The following MARCHF3 variants were observed in gnomAD, a reference collection of about 807,000 sequenced individuals.
MARCHF3 encodes the protein E3 ubiquitin-protein ligase MARCHF3.
In MARCHF3, 13 loss-of-function variants were observed where a neutral mutation model predicts 24.2. That is an observed-to-expected ratio of 0.54 (90% CI 0.35 to 0.85). The LOEUF is 0.85. Among genes scored for constraint, MARCHF3 ranks in the 40% least tolerant of loss-of-function variants. The pLI is 0.01. For synonymous variants in MARCHF3, 144 were observed against 137.3 expected (o/e 1.05, Z -0.34); for missense variants, 276 against 325.0 (o/e 0.85, Z 1.16).
At chr5:126,983,395 G>C (rs1040808424) in intron 1 of MARCHF3, among the ~76,000 whole-genome samples, 11 of 152,174 alleles carry the variant, frequency 7.2e-5, no homozygotes, top group African/African-American at 1.2e-4. Context: ...CTGAGTCTTT[G>C]AGGCCACAGA....
chr5:126,979,968 A>G (rs1751338692), intron 1 of MARCHF3, among the ~76,000 whole-genome samples: 2 of 151,750 alleles, frequency 1.3e-5, no homozygotes. Context: ...AAAAAAAAAA[A>G]AAAGAAATGA....
chr5:126,917,861 C>A, intron 2 of MARCHF3, 123 bp downstream of exon 2: 23 of 810,332 alleles, frequency 2.8e-5, no homozygotes, highest in East Asian at 3.2e-5. Context: ...TTTTTTTTTT[C>A]CAGCACCTCC....
chr5:126,928,325 AG>A (rs1397486672), intron 1 of MARCHF3, among the ~76,000 whole-genome samples: 1 of 152,252 alleles, frequency 6.6e-6, no homozygotes, highest in Non-Finnish European at 1.5e-5. Context: ...AAGTTATTCC[AG>A]CTAAGATCAG....
At chr5:126,957,236 T>C (rs1462050608) in intron 1 of MARCHF3, among the ~76,000 whole-genome samples, 1 of 152,206 alleles carries the variant, frequency 6.6e-6, no homozygotes, top group Non-Finnish European at 1.5e-5. Context: ...TTTTTTGCCT[T>C]TTTATTAGTG....
intron 4 of MARCHF3, among the ~76,000 whole-genome samples, chr5:126,877,935 CTT>C (rs1346076290): frequency 1.3e-5 from 2 of 152,186 alleles, no homozygotes; most frequent in Non-Finnish European, 2.9e-5. Flanking sequence ...GTGTCTGTGT[CTT>C]TGACTGATGG....
At chr5:126,955,074 C>G (rs1261963389) in intron 1 of MARCHF3, among the ~76,000 whole-genome samples, 1 of 152,252 alleles carries the variant, frequency 6.6e-6, no homozygotes, top group Non-Finnish European at 1.5e-5. Context: ...TTTCTGAAAT[C>G]TATCCATGTT....
chr5:126,969,607 C>A (rs928757190), intron 1 of MARCHF3, among the ~76,000 whole-genome samples: 3 of 152,182 alleles, frequency 2.0e-5, no homozygotes, highest in African/African-American at 7.2e-5. Context: ...GGGAGGATGG[C>A]ATGGATGGCT....
chr5:127,014,368 TAGTACAGCC>T (rs1281284039), intron 1 of MARCHF3, among the ~76,000 whole-genome samples: 3 of 152,108 alleles, frequency 2.0e-5, no homozygotes, highest in Admixed American at 6.6e-5. Flanking sequence ...TAATGTAAAC[TAGTACAGCC>T]ATTATCAACA....
At chr5:126,959,561 T>C (rs1750569898) in intron 1 of MARCHF3, among the ~76,000 whole-genome samples, 1 of 152,170 alleles carries the variant, frequency 6.6e-6, no homozygotes, top group South Asian at 2.1e-4. Flanking sequence ...GTATGGACTT[T>C]AGCTAATATC....
intron 1 of MARCHF3, among the ~76,000 whole-genome samples, chr5:126,936,813 A>G (rs1299186941): frequency 1.3e-5 from 2 of 152,208 alleles, no homozygotes; most frequent in African/African-American, 2.4e-5. Flanking sequence ...AAATAATCCA[A>G]AGGCAACCAC....
intron 1 of MARCHF3, among the ~76,000 whole-genome samples, chr5:126,934,060 T>C (rs942938440): frequency 2.9e-4 from 44 of 152,016 alleles, no homozygotes; most frequent in African/African-American, 7.5e-4. Flanking sequence ...ACATACGCGA[T>C]TTCTTTACAT....
intron 4 of MARCHF3, among the ~76,000 whole-genome samples, chr5:126,871,362 T>A (rs1338705394): frequency 6.6e-6 from 1 of 152,202 alleles, no homozygotes; most frequent in Non-Finnish European, 1.5e-5. Flanking sequence ...AGCTCCAGCA[T>A]TCTATAGCTT....
In MARCHF3 at chr5:126,868,457, G is replaced by A. The variant is rs545119197; in HGVS notation, c.*2176C>T. On this transcript the variant is annotated 3_prime_UTR_variant, in exon 5 of 5. Transcript: ENST00000308660. ...CAGGGATGCAAACACGAAGGAAAGA[G>A]GTGTGGCACAGGCACAGTTTTAATG... 2.0e-5 allele frequency: 3 copies of A among 152,394 alleles called. No individual in the cohort carries two copies. The highest frequency in any genetic ancestry group is 2.9e-5 in the Non-Finnish European group (2 of 68,082). The allele number at this position is 152,394 out of a possible 1,614,324, so 9.4% of individuals were successfully genotyped here.
At chr5:127,019,938 C>T (rs1183544686) in intron 1 of MARCHF3, among the ~76,000 whole-genome samples, 1 of 152,144 alleles carries the variant, frequency 6.6e-6, no homozygotes, top group Non-Finnish European at 1.5e-5. Context: ...GATTCTAGCC[C>T]AGTGATCTCA....
intron 3 of MARCHF3, among the ~76,000 whole-genome samples, chr5:126,908,269 C>T (rs983098857): frequency 6.6e-6 from 1 of 152,096 alleles, no homozygotes; most frequent in Non-Finnish European, 1.5e-5. Context: ...TCCTTCATTG[C>T]AACTTTGGTG....
At chr5:126,973,578 C>T (rs80046449) in intron 1 of MARCHF3, among the ~76,000 whole-genome samples, 2,508 of 152,288 alleles carry the variant, frequency 0.016, 64 homozygotes, top group African/African-American at 0.057. Context: ...CAGAGGGTGG[C>T]AGAGAGAATT....
chr5:126,875,882 T>C (rs1303458971), intron 4 of MARCHF3, among the ~76,000 whole-genome samples: 1 of 152,254 alleles, frequency 6.6e-6, no homozygotes, highest in Admixed American at 6.5e-5. Flanking sequence ...TTATTTCCTG[T>C]ATTTTTTTGT....
intron 3 of MARCHF3, among the ~76,000 whole-genome samples, chr5:126,892,578 T>A (rs1753734401): frequency 6.7e-6 from 1 of 149,766 alleles, no homozygotes; most frequent in Admixed American, 6.6e-5. Flanking sequence ...TCTGTTTATA[T>A]GCTGGATTAC....
intron 1 of MARCHF3, among the ~76,000 whole-genome samples, chr5:127,005,976 C>T (rs1289714071): frequency 1.3e-5 from 2 of 151,838 alleles, no homozygotes; most frequent in Admixed American, 6.6e-5. Context: ...CCGAGGCGGG[C>T]GGATCACTTG....
Sources: allele counts gnomAD v4.1 joint callset (sites outside exome capture counted in the v4.1 genomes callset), GRCh38; gene constraint gnomAD v4.1.1; transcripts MANE v1.5; gene names NCBI Gene and HGNC (gene_info 2026-07-23, HGNC 2026-07-21).